Variants in TIMM21 observed in about 807,000 individuals in gnomAD.
TIMM21 encodes the protein mitochondrial import inner membrane translocase subunit Tim21.
In TIMM21, 30 loss-of-function variants were observed where a neutral mutation model predicts 27.7. That is an observed-to-expected ratio of 1.08 (90% confidence interval 0.81 to 1.47). TIMM21 has a LOEUF of 1.47. Ranked by LOEUF, TIMM21 falls within the 40% of genes most tolerant of loss-of-function variation. The pLI, the probability that TIMM21 is intolerant of heterozygous loss-of-function variation, is 0.00. For synonymous variants in TIMM21, 121 were observed against 114.4 expected (o/e 1.06, Z -0.37); for missense variants, 292 against 302.9 (o/e 0.96, Z 0.27).
At chr18:74,153,048 G>A (rs538138905) in intron 1 of TIMM21, among the ~76,000 whole-genome samples, 17 of 152,286 alleles carry the variant, frequency 1.1e-4, no homozygotes, top group Admixed American at 3.9e-4. Context: ...ACAACTGTCC[G>A]CTACCAGTGC....
Position 74,159,475 on chromosome 18 carries a change from C to G in TIMM21, c.*995C>G, listed in dbSNP as rs1002120591. On this transcript the variant is annotated 3_prime_UTR_variant, in exon 6 of 6. Transcript: ENST00000169551. ...CCCTCTGATGTGTTTGTTCCTTCTCCCCGAGAACTGTCTGTAGAGGAATTT... is the reference window on the plus strand; with the variant it reads ...CCCTCTGATGTGTTTGTTCCTTCTCGCCGAGAACTGTCTGTAGAGGAATTT... The G allele has an allele frequency of 1.3e-5, 2 of 151,634 alleles. No homozygotes were observed. The highest frequency in any genetic ancestry group is 2.9e-5 in the Non-Finnish European group (2 of 67,892). 9.4% of individuals were successfully genotyped at this position (151,634 alleles called of 1,614,324 possible).
Position 74,155,521 on chromosome 18 carries a change from C to T in TIMM21, c.462+118C>T. The T allele has an allele frequency of 3.8e-6, 3 of 798,588 alleles. No individual in the cohort carries two copies. The South Asian group carries it at 5.4e-5, about 14-fold the overall frequency. 49.5% of individuals were successfully genotyped at this position (798,588 alleles called of 1,614,324 possible). A position where few individuals can be genotyped will look rare whatever the true frequency, so the allele number is the denominator to read the frequency against. ...CGCTAGTGAAATTCACATAATAATA[C>T]ATAATGGTCGAGTCATCATTACATT... On this transcript the variant is annotated intron_variant, in intron 3 of 5. Transcript: ENST00000169551.
chr18:74,157,237 CTG>C (rs1979973952), intron 3 of TIMM21: 1 of 152,166 alleles, frequency 6.6e-6, no homozygotes, highest in African/African-American at 2.4e-5. Context: ...ATGTCATTAT[CTG>C]TTTTCTTTTT....
chr18:74,151,128 G>A (rs778915960), intron 1 of TIMM21, among the ~76,000 whole-genome samples: 15 of 152,180 alleles, frequency 9.9e-5, no homozygotes, highest in Non-Finnish European at 1.8e-4. Flanking sequence ...TTGGGTCCTT[G>A]GGTATCACTG....
In TIMM21 at chr18:74,158,586, T is replaced by G; in HGVS notation, c.*106T>G. On this transcript the variant is annotated 3_prime_UTR_variant, in exon 6 of 6. Coordinates refer to ENST00000169551, the MANE Select transcript of TIMM21 (RefSeq NM_014177.3). ...GAAAGACAAGAAGGAGTGTATGGCTTATAAAGTGAATCTAATACAGTATTT... is the reference window on the plus strand; with the variant it reads ...GAAAGACAAGAAGGAGTGTATGGCTGATAAAGTGAATCTAATACAGTATTT... 1 of 720,844 alleles carries G rather than the reference T, an allele frequency of 1.4e-6. No homozygotes were observed. The highest frequency in any genetic ancestry group is 2.4e-6 in the Non-Finnish European group (1 of 417,324). 44.7% of individuals were successfully genotyped at this position (720,844 alleles called of 1,614,324 possible). A position where few individuals can be genotyped will look rare whatever the true frequency, so the allele number is the denominator to read the frequency against.
chr18:74,155,244 T>C, intron 2 of TIMM21, 37 bp downstream of exon 2: 2 of 1,613,136 alleles, frequency 1.2e-6, no homozygotes. Flanking sequence ...CTTGAATATT[T>C]TTTAAACTGG....
chr18:74,151,937 T>TCTCCC lies in TIMM21; in HGVS notation c.301+2829_301+2830insTCCCC, dbSNP rs1555682293. Among the ~76,000 whole-genome samples the TCTCCC allele has an allele frequency of 2.2e-3, 206 of 94,258 alleles. 11 individuals are homozygous for TCTCCC. The highest frequency in any genetic ancestry group is 0.012 in the African/African-American group (200 of 16,846). The allele number at this position is 94,258 out of a possible 152,430, so 61.8% of individuals were successfully genotyped here. ...CCTTAAGAAGCAGTGGTGTCTATGT[T>TCTCCC]CCCCCCCCCCCCGGGGGGACCTCCA... On this transcript the variant is annotated intron_variant, in intron 1 of 5. Transcript: ENST00000169551.
In TIMM21 at chr18:74,158,246, G is replaced by GCAAGGAAC; in HGVS notation, c.613_620dup (p.Val208LysfsTer8). 6.2e-7 allele frequency: 1 copy of GCAAGGAAC among 1,614,230 alleles called. No individual in the cohort carries two copies. The highest frequency in any genetic ancestry group is 1.1e-5 in the South Asian group (1 of 91,086). On this transcript the variant is annotated frameshift_variant, in exon 5 of 6. Coordinates refer to ENST00000169551, the MANE Select transcript of TIMM21 (RefSeq NM_014177.3). LOFTEE classifies it low-confidence loss of function (END_TRUNC). ...ACATTGAGGGCTCTGAGCCAGGGAA[G>GCAAGGAAC]CAAGGAACGGTGTATGCGCAAGTGA...
Position 74,158,463 on chromosome 18 carries a change from C to A in TIMM21, c.730C>A (p.Arg244=). The change falls in exon 6 of 6, where the codon CGA becomes AGA. Residue 244 remains arginine (R), a synonymous_variant. Coordinates refer to ENST00000169551, the MANE Select transcript of TIMM21 (RefSeq NM_014177.3). ...PRRTIIIEDN[R]SQDD is the part of the protein sequence containing the mutation. ...AAGAACTATTATCATTGAAGATAAT[C>A]GATCCCAAGATGATTAAAATAGGGT... The A allele has an allele frequency of 1.9e-6, 3 of 1,540,452 alleles. No individual in the cohort carries two copies. Among genetic ancestry groups the A allele is most frequent in the Non-Finnish European group, 2.7e-6 (3 of 1,127,028 alleles).
intron 1 of TIMM21, among the ~76,000 whole-genome samples, chr18:74,150,581 C>G (rs1979774610): frequency 6.6e-6 from 1 of 152,206 alleles, no homozygotes; most frequent in Non-Finnish European, 1.5e-5. Flanking sequence ...TTTCATGTTA[C>G]TACAGACTAC....
rs1478330254 is a variant in TIMM21 at position 74,152,080 on chromosome 18, C to G, written c.301+2971C>G. 6.6e-6 allele frequency among the ~76,000 whole-genome samples: 1 copy of G among 152,062 alleles called. No homozygotes were observed. The highest frequency in any genetic ancestry group is 2.1e-4 in the South Asian group (1 of 4,822). On this transcript the variant is annotated intron_variant, in intron 1 of 5. Transcript: ENST00000169551. This position sits in a 1 kb window ranked among gnomAD's most constrained non-coding sequence, Gnocchi z 4.1. The stretch of plus-strand genomic sequence containing the variant: ...GCACGTATCTTGCTAGGCAGAAACC[C>G]CCACCCACCCCTCGCCCAGTTTCCA...
rs561143789 is a variant in TIMM21 at position 74,155,409 on chromosome 18, T to C, written c.462+6T>C. Reference sequence around the variant, plus strand: ...AATGCAGATCACATCCTGAGGTTAGTTCTCAAGATTGAGTTACATGAACTC... The same window carrying C: ...AATGCAGATCACATCCTGAGGTTAGCTCTCAAGATTGAGTTACATGAACTC... On this transcript the variant is annotated splice_donor_region_variant and intron_variant, in intron 3 of 5. Transcript: ENST00000169551. 99 of 1,602,950 alleles carry C rather than the reference T, an allele frequency of 6.2e-5. 2 individuals carry two copies. The South Asian group carries it at 1.0e-3, about 17-fold the overall frequency.
At chr18:74,153,808 C>G (rs1979873759) in intron 1 of TIMM21, among the ~76,000 whole-genome samples, 1 of 152,126 alleles carries the variant, frequency 6.6e-6, no homozygotes, top group Non-Finnish European at 1.5e-5. Context: ...GCTTTTTATA[C>G]AGAAGAGAAA....
In TIMM21 at chr18:74,148,876, T is replaced by A; in HGVS notation, c.68T>A (p.Leu23Ter). Residue 23 changes from leucine to a stop codon, truncating the protein, a stop_gained, in exon 1 of 6, where the codon TTG becomes TAG. Transcript: ENST00000169551. LOFTEE classifies it high-confidence loss of function. ...EKLHRSSAKR[L>*]LLPYIVLNKA... ...CTGCACAGGTCCTCGGCAAAGCGAT[T>A]GCTTTTGCCATACATCGTGCTTAAC... is the stretch of plus-strand genomic sequence containing the variant. 6.2e-7 allele frequency: 1 copy of A among 1,614,186 alleles called. No individual in the cohort carries two copies. The highest frequency in any genetic ancestry group is 8.5e-7 in the Non-Finnish European group (1 of 1,180,024).
At position 74,159,730 on chromosome 18, in the gene TIMM21, G is replaced by C. The variant is rs1980053349; in HGVS notation, c.*1250G>C. On this transcript the variant is annotated 3_prime_UTR_variant, in exon 6 of 6. Transcript: ENST00000169551. Reference sequence around the variant, plus strand: ...TTGACTGAATGAGGCCTTAACTTAGGCTTTCTCTCCTAATCGTTTTTTCCT... The same window carrying C: ...TTGACTGAATGAGGCCTTAACTTAGCCTTTCTCTCCTAATCGTTTTTTCCT... 6.6e-6 allele frequency: 1 copy of C among 152,130 alleles called. No individual in the cohort carries two copies. Among genetic ancestry groups the C allele is most frequent in the Non-Finnish European group, 1.5e-5 (1 of 68,036 alleles). The allele number at this position is 152,130 out of a possible 1,614,324, so 9.4% of individuals were successfully genotyped here. A position where few individuals can be genotyped will look rare whatever the true frequency, so the allele number is the denominator to read the frequency against.
chr18:74,156,710 G>T (rs17088878), intron 3 of TIMM21: 14,341 of 157,238 alleles, frequency 0.091, 950 homozygotes, highest in East Asian at 0.24. Context: ...TCAGCCTTTC[G>T]TAGATTTTTC....
intron 1 of TIMM21, among the ~76,000 whole-genome samples, chr18:74,150,471 C>T (rs193003667): frequency 6.6e-6 from 1 of 152,214 alleles, no homozygotes; most frequent in East Asian, 1.9e-4. Flanking sequence ...ATTAGACAGC[C>T]CAGGTCCAGA....
chr18:74,155,933 G>T (rs543337619), intron 3 of TIMM21, among the ~76,000 whole-genome samples: 6 of 151,996 alleles, frequency 3.9e-5, no homozygotes, highest in African/African-American at 1.2e-4. Context: ...ACCGGAACCC[G>T]AATCCACACA....
chr18:74,156,656 G>A (rs56149660), intron 3 of TIMM21: 87 of 184,684 alleles, frequency 4.7e-4, no homozygotes, highest in African/African-American at 1.9e-3. Flanking sequence ...ATGTTAGGAC[G>A]CATCTCTGGA....
Sources: gnomAD v4.1 joint callset for allele counts (sites outside exome capture counted in the v4.1 genomes callset) on GRCh38, gnomAD v4.1.1 for gene constraint, Gnocchi (gnomAD v3.1) non-coding constraint, MANE v1.5 for transcripts, NCBI Gene and HGNC (gene_info 2026-07-23, HGNC 2026-07-21) for gene names.